Variants in CHN2 observed in about 807,000 individuals in gnomAD.
The protein encoded by CHN2 is chimerin 2.
CHN2 carries 35 observed loss-of-function variants against 56.3 expected under a neutral mutation model. That is an observed-to-expected ratio of 0.62 (90% CI 0.47 to 0.82). The LOEUF (loss-of-function observed/expected upper bound fraction) is 0.82. Ranked by LOEUF, CHN2 falls within the 40% of genes least tolerant of loss-of-function variation. The pLI is 0.00. For missense variants in CHN2, 491 were observed against 580.5 expected (o/e 0.85, Z 1.58); for synonymous variants, 210 against 212.8 (o/e 0.99, Z 0.12).
chr7:29,438,532 C>T lies in CHN2; in HGVS notation c.576+37704C>T, dbSNP rs147253840. Among the ~76,000 whole-genome samples, 8 of 152,094 alleles carry T rather than the reference C, an allele frequency of 5.3e-5. No individual in the cohort carries two copies. In the East Asian group the frequency reaches 1.5e-3, roughly 29 times the overall value. The stretch of plus-strand genomic sequence containing the variant: ...TTCTTTTTTTTTTCCATGTTAGAAA[C>T]AACTCTGCAATGAACATCCTTGTAG... On this transcript the variant is annotated intron_variant, in intron 6 of 12. Coordinates refer to ENST00000222792, the MANE Select transcript of CHN2 (RefSeq NM_004067.4).
intron 1 of CHN2, among the ~76,000 whole-genome samples, chr7:29,227,378 C>T (rs757602188): frequency 2.0e-5 from 3 of 152,166 alleles, no homozygotes; most frequent in Admixed American, 1.3e-4. Flanking sequence ...GAGGGATGGA[C>T]GTACTGAGTT....
chr7:29,228,938 C>T (rs1365280157), intron 1 of CHN2, among the ~76,000 whole-genome samples: 6 of 152,246 alleles, frequency 3.9e-5, no homozygotes, highest in Non-Finnish European at 7.3e-5. Context: ...TGCTCCCGCT[C>T]TGCTCCAGTC....
In CHN2 at chr7:29,509,287, C is replaced by A. The variant is rs200368407; in HGVS notation, c.1130-14C>A. Reference sequence around the variant, plus strand: ...ACACTCTGAACTAATACCCATCATGCGTGAACTTCACAGAAATCTCCAATG... The same window carrying A: ...ACACTCTGAACTAATACCCATCATGAGTGAACTTCACAGAAATCTCCAATG... On this transcript the variant is annotated splice_polypyrimidine_tract_variant and intron_variant, in intron 11 of 12. Transcript: ENST00000222792. 2 of 1,597,534 alleles carry A rather than the reference C, an allele frequency of 1.3e-6. No homozygotes were observed. Among genetic ancestry groups the A allele is most frequent in the Non-Finnish European group, 1.7e-6 (2 of 1,165,280 alleles).
upstream of CHN2, chr7:29,193,679 A>G (rs1257908426): frequency 6.6e-6 from 1 of 152,238 alleles, no homozygotes; most frequent in African/African-American, 2.4e-5. Flanking sequence ...TACAGGGGGA[A>G]GGGACACACC....
At chr7:29,314,662 G>A (rs899205896) in intron 1 of CHN2, among the ~76,000 whole-genome samples, 1 of 152,136 alleles carries the variant, frequency 6.6e-6, no homozygotes, top group African/African-American at 2.4e-5. Context: ...TCCAAGAAGT[G>A]AGAGTTCACT....
chr7:29,173,644 T>G (rs1796894644), intron 2 of CHN2, among the ~76,000 whole-genome samples: 1 of 152,076 alleles, frequency 6.6e-6, no homozygotes, highest in Non-Finnish European at 1.5e-5. Flanking sequence ...GAGGGGGTTG[T>G]TGCCATGGAG....
At chr7:29,374,069 G>A (rs1385898522) in intron 3 of CHN2, among the ~76,000 whole-genome samples, 3 of 152,208 alleles carry the variant, frequency 2.0e-5, no homozygotes, top group Non-Finnish European at 4.4e-5. Context: ...TTTATGTGTA[G>A]TAATCAGAAG....
chr7:29,148,383 T>G (rs1365236998), intron 2 of CHN2: 1 of 152,226 alleles, frequency 6.6e-6, no homozygotes, highest in Non-Finnish European at 1.5e-5. Flanking sequence ...TCCTGCAGTT[T>G]TAGTAACCTC....
chr7:29,319,068 C>T (rs1226145766), intron 1 of CHN2, among the ~76,000 whole-genome samples: 1 of 152,118 alleles, frequency 6.6e-6, no homozygotes, highest in Non-Finnish European at 1.5e-5. Context: ...GAGGCTAAGA[C>T]GGGAACTGAG....
At chr7:29,437,753 G>T (rs554235336) in intron 6 of CHN2, among the ~76,000 whole-genome samples, 90 of 151,594 alleles carry the variant, frequency 5.9e-4, no homozygotes, top group Admixed American at 1.3e-3. Context: ...AGATTATTTC[G>T]AAAGAAAAAG....
chr7:29,343,700 CTCT>C (rs1797217721), intron 1 of CHN2, among the ~76,000 whole-genome samples: 1 of 152,134 alleles, frequency 6.6e-6, no homozygotes, highest in Non-Finnish European at 1.5e-5. Context: ...GCCTCTTTCC[CTCT>C]TCTTCTCATC....
At chr7:29,301,061 TA>T (rs1793620271) in intron 1 of CHN2, among the ~76,000 whole-genome samples, 1 of 152,192 alleles carries the variant, frequency 6.6e-6, no homozygotes, top group Non-Finnish European at 1.5e-5. Flanking sequence ...ATGACAAGTT[TA>T]AAATTTGTCA....
chr7:29,490,793 G>A (rs896619898), intron 7 of CHN2, among the ~76,000 whole-genome samples: 1 of 152,136 alleles, frequency 6.6e-6, no homozygotes, highest in Non-Finnish European at 1.5e-5. Context: ...ATTATATTCA[G>A]AATATGGTAT....
chr7:29,228,949 G>A (rs1463158096), intron 1 of CHN2, among the ~76,000 whole-genome samples: 3 of 152,108 alleles, frequency 2.0e-5, no homozygotes, highest in Non-Finnish European at 4.4e-5. Context: ...TGCTCCAGTC[G>A]GGCCTGATTT....
chr7:29,411,061 A>T (rs1803159228), intron 6 of CHN2, among the ~76,000 whole-genome samples: 1 of 152,136 alleles, frequency 6.6e-6, no homozygotes, highest in African/African-American at 2.4e-5. Context: ...TCTATCTCCA[A>T]ACACCTGTGT....
intron 1 of CHN2, among the ~76,000 whole-genome samples, chr7:29,198,909 G>A (rs533926990): frequency 6.6e-6 from 1 of 152,288 alleles, no homozygotes; most frequent in African/African-American, 2.4e-5. Flanking sequence ...GAACCCTGGG[G>A]ATAAGAAGTT....
intron 6 of CHN2, among the ~76,000 whole-genome samples, chr7:29,460,268 C>T (rs1785064893): frequency 1.3e-5 from 2 of 152,038 alleles, no homozygotes; most frequent in South Asian, 2.1e-4. Context: ...ATAGAGCTTG[C>T]CACAGGCTCC....
At chr7:29,346,824 G>C (rs749908948) in intron 1 of CHN2, among the ~76,000 whole-genome samples, 3 of 152,178 alleles carry the variant, frequency 2.0e-5, no homozygotes, top group Admixed American at 6.5e-5. Flanking sequence ...GCCAAGTGGA[G>C]CACATGTGTT....
intron 6 of CHN2, among the ~76,000 whole-genome samples, chr7:29,426,974 G>T (rs937382867): frequency 6.6e-6 from 1 of 152,082 alleles, no homozygotes; most frequent in Non-Finnish European, 1.5e-5. Flanking sequence ...TAATCTCTCT[G>T]ACTTCTCCTT....
Sources: allele counts gnomAD v4.1 joint callset (sites outside exome capture counted in the v4.1 genomes callset), GRCh38; gene constraint gnomAD v4.1.1; transcripts MANE v1.5; gene names NCBI Gene and HGNC (gene_info 2026-07-23, HGNC 2026-07-21).